Variants in HSPA12A observed in about 807,000 individuals in gnomAD.
HSPA12A encodes the protein heat shock 70 kDa protein 12A.
In HSPA12A, 28 loss-of-function variants were observed where a neutral mutation model predicts 69.2. The observed-to-expected ratio is 0.40, with a 90% CI of 0.30 to 0.55. The LOEUF is 0.55. Among genes scored for constraint, HSPA12A ranks in the 20% least tolerant of loss-of-function variants. The probability of loss-of-function intolerance (pLI) is 0.38; values close to 1 mark genes in which losing one functional copy is unlikely to be tolerated. For synonymous variants in HSPA12A, 345 were observed against 370.5 expected, an observed-to-expected ratio of 0.93 and a Z score of 0.79; for missense variants, 686 against 900.7, an observed-to-expected ratio of 0.76 and a Z score of 3.05.
At chr10:116,680,432 T>C (rs1045832346) in intron 9 of HSPA12A, among the ~76,000 whole-genome samples, 1 of 152,232 alleles carries the variant, frequency 6.6e-6, no homozygotes, top group Admixed American at 6.5e-5. Flanking sequence ...TGTGATCCTC[T>C]AATTACTTAT....
chr10:116,687,399 C>T (rs1849605600), intron 6 of HSPA12A, among the ~76,000 whole-genome samples: 1 of 152,154 alleles, frequency 6.6e-6, no homozygotes, highest in African/African-American at 2.4e-5. Flanking sequence ...TTTGCTTGAA[C>T]CAGCTCCTGT....
intron 1 of HSPA12A, among the ~76,000 whole-genome samples, chr10:116,716,077 C>T (rs530651649): frequency 1.2e-3 from 183 of 151,796 alleles, no homozygotes; most frequent in Non-Finnish European, 2.0e-3. Flanking sequence ...ATCTCAGGTA[C>T]AGGGCCCTCT....
In HSPA12A at chr10:116,671,583, A is replaced by C. The variant is rs1849080177; in HGVS notation, c.*3198T>G. ...GGACTCTAAAAGCTAAACTTGGTCT[A>C]AATAACATTCTAAGGGTAAGGCAAC... On this transcript the variant is annotated 3_prime_UTR_variant, in exon 12 of 12. Coordinates refer to ENST00000369209, the MANE Select transcript of HSPA12A (RefSeq NM_025015.3). 1 of 152,654 alleles carries C rather than the reference A, an allele frequency of 6.6e-6. No individual in the cohort carries two copies. Among genetic ancestry groups the C allele is most frequent in the South Asian group, 2.1e-4 (1 of 4,828 alleles). The allele number at this position is 152,654 out of a possible 1,614,324, so 9.5% of individuals were successfully genotyped here.
At chr10:116,826,541 C>T (rs538646675) in intron 2 of HSPA12A, among the ~76,000 whole-genome samples, 5 of 152,256 alleles carry the variant, frequency 3.3e-5, no homozygotes, top group African/African-American at 1.2e-4. Context: ...ATGGACGACA[C>T]GGGTGTCACA....
intron 1 of HSPA12A, chr10:116,835,031 G>T: frequency 8.2e-7 from 1 of 1,226,698 alleles, no homozygotes; most frequent in Admixed American, 4.2e-5. Flanking sequence ...ATCTGTAGGA[G>T]GGGGGAAAAG....
chr10:116,697,067 T>C (rs1469389928), intron 5 of HSPA12A, among the ~76,000 whole-genome samples: 1 of 152,150 alleles, frequency 6.6e-6, no homozygotes, highest in East Asian at 1.9e-4. Flanking sequence ...CTGCCATAAC[T>C]TGTATAGGAT....
At chr10:116,694,362 C>T (rs1463095253) in intron 5 of HSPA12A, among the ~76,000 whole-genome samples, 1 of 152,194 alleles carries the variant, frequency 6.6e-6, no homozygotes, top group African/African-American at 2.4e-5. Context: ...GGTCTAGCTC[C>T]TCCTATACAT....
chr10:116,770,955 G>T (rs879989714), intron 2 of HSPA12A, among the ~76,000 whole-genome samples: 72 of 151,942 alleles, frequency 4.7e-4, no homozygotes, highest in South Asian at 1.9e-3. Context: ...CGGGCTGTGT[G>T]TGCTGGGGGA....
chr10:116,706,731 G>A (rs1171069411), intron 2 of HSPA12A, among the ~76,000 whole-genome samples: 3 of 152,164 alleles, frequency 2.0e-5, no homozygotes, highest in African/African-American at 7.2e-5. Flanking sequence ...GCCCTGCTCA[G>A]GGCTTCTCTA....
At chr10:116,730,750 C>T (rs1427483241) in intron 1 of HSPA12A, among the ~76,000 whole-genome samples, 4 of 152,242 alleles carry the variant, frequency 2.6e-5, no homozygotes, top group African/African-American at 7.2e-5. Flanking sequence ...CAGAGGCTGA[C>T]GCCAAAGGAT....
At chr10:116,709,446 CAAA>C (rs543929917) in intron 1 of HSPA12A, among the ~76,000 whole-genome samples, 1 of 69,360 alleles carries the variant, frequency 1.4e-5, no homozygotes. Flanking sequence ...GACTCCATCT[CAAA>C]AAAAAAAAAA....
intron 2 of HSPA12A, among the ~76,000 whole-genome samples, chr10:116,774,795 A>T (rs1844296780): frequency 6.6e-6 from 1 of 151,828 alleles, no homozygotes; most frequent in Middle Eastern, 3.4e-3. Flanking sequence ...GCCTGACTCC[A>T]CCCTGACCCT....
chr10:116,792,701 C>A (rs889543143), intron 2 of HSPA12A, among the ~76,000 whole-genome samples: 8 of 150,802 alleles, frequency 5.3e-5, no homozygotes, highest in African/African-American at 2.0e-4. Context: ...GTGGAAGGAT[C>A]GCTTGAACCC....
intron 1 of HSPA12A, among the ~76,000 whole-genome samples, chr10:116,848,176 G>C (rs1174161388): frequency 6.6e-6 from 1 of 152,212 alleles, no homozygotes; most frequent in Non-Finnish European, 1.5e-5. Flanking sequence ...CTCCGTGGTG[G>C]ATGTGAAGGT....
intron 2 of HSPA12A, among the ~76,000 whole-genome samples, chr10:116,809,985 G>T (rs1403678505): frequency 6.6e-6 from 1 of 152,184 alleles, no homozygotes; most frequent in African/African-American, 2.4e-5. Flanking sequence ...GTTTATGCAA[G>T]GCTATGTGGA....
intron 2 of HSPA12A, among the ~76,000 whole-genome samples, chr10:116,754,891 GAA>G (rs1247752555): frequency 6.6e-6 from 1 of 152,190 alleles, no homozygotes; most frequent in African/African-American, 2.4e-5. Context: ...GCAACACTTA[GAA>G]AACACTGACC....
chr10:116,809,146 G>A (rs1262693267), intron 2 of HSPA12A, among the ~76,000 whole-genome samples: 1 of 152,104 alleles, frequency 6.6e-6, no homozygotes, highest in African/African-American at 2.4e-5. Flanking sequence ...GGGGACTCAG[G>A]GGAGCCACTT....
In HSPA12A at chr10:116,675,040, G is replaced by C; in HGVS notation, c.1769C>G (p.Pro590Arg). 6.2e-7 allele frequency: 1 copy of C among 1,614,028 alleles called. No homozygotes were observed. The highest frequency in any genetic ancestry group is 8.5e-7 in the Non-Finnish European group (1 of 1,180,008). Residue 590 changes from proline to arginine, a missense_variant, in exon 12 of 12, where the codon CCG becomes CGG. Transcript: ENST00000369209. The surrounding 1 kb of genome is among the most constrained non-coding windows in gnomAD (Gnocchi z 5.2). ...AATGACCAGCTGGGAGGGCTTGGCC[G>C]GGGTGTAGCTACGCTTGACCAGCTC... ...LGELVKRSYT[P>R]AKPSQLVIVI...
rs1850399984 is a variant in HSPA12A, at chr10:116,710,789, C to T, written c.41-3504G>A. The stretch of plus-strand genomic sequence containing the variant: ...TATATTCCAAATCAAAGATAATTCA[C>T]CAGCGAATGTCCATCAGTACAGCAC... On this transcript the variant is annotated intron_variant, in intron 1 of 11. Transcript: ENST00000369209. The surrounding 1 kb of genome is among the most constrained non-coding windows in gnomAD (Gnocchi z 4.1). Among the ~76,000 whole-genome samples, 1 of 152,174 alleles carries T rather than the reference C, an allele frequency of 6.6e-6. No homozygotes were observed.
Sources: gnomAD v4.1 joint callset for allele counts (sites outside exome capture counted in the v4.1 genomes callset) on GRCh38, gnomAD v4.1.1 for gene constraint, Gnocchi (gnomAD v3.1) non-coding constraint, MANE v1.5 for transcripts, NCBI Gene and HGNC (gene_info 2026-07-23, HGNC 2026-07-21) for gene names.